Variants in RNF157 observed in about 807,000 individuals in gnomAD.
RNF157 encodes ring finger protein 157.
RNF157 carries 55 observed loss-of-function variants against 88.3 expected under a neutral mutation model. The observed-to-expected ratio is 0.62, with a 90% confidence interval of 0.50 to 0.78. The LOEUF (loss-of-function observed/expected upper bound fraction) is 0.78, where lower values mean the gene tolerates loss of function less well. RNF157 is among the 30% of genes least tolerant of loss of function. The pLI is 0.00. For missense variants in RNF157, 788 were observed against 860.8 expected, an observed-to-expected ratio of 0.92 and a Z score of 1.06; for synonymous variants, 334 against 341.2, an observed-to-expected ratio of 0.98 and a Z score of 0.23.
chr17:76,160,490 A>G lies in RNF157; in HGVS notation c.1066-917T>C, dbSNP rs562895519. Among the ~76,000 whole-genome samples, 2 of 152,264 alleles carry G rather than the reference A, an allele frequency of 1.3e-5. No homozygotes were observed. The highest frequency in any genetic ancestry group is 4.8e-5 in the African/African-American group (2 of 41,548). ...TAAAAAGAAAAGTTTTTAAAATTTG[A>G]AAGTTGGAAAATGGTATTCTCATAT... On this transcript the variant is annotated intron_variant, in intron 11 of 18. Transcript: ENST00000269391. The surrounding 1 kb of genome is among the most constrained non-coding windows in gnomAD (Gnocchi z 4.3).
At chr17:76,177,188 G>T (rs1219173432) in intron 2 of RNF157, among the ~76,000 whole-genome samples, 3 of 152,176 alleles carry the variant, frequency 2.0e-5, no homozygotes, top group East Asian at 1.9e-4. Flanking sequence ...GCTGCAAGGG[G>T]GTGCTGCAGG....
At position 76,146,492 on chromosome 17, in the gene RNF157, G is replaced by C. The variant is rs1024376510; in HGVS notation, c.1922-1139C>G. On this transcript the variant is annotated intron_variant, in intron 18 of 18. Transcript: ENST00000269391. This position sits in a 1 kb window ranked among gnomAD's most constrained non-coding sequence, Gnocchi z 4.2. Reference sequence around the variant, plus strand: ...CTAGGGCGCTCCTGCCTTGGGCCTCGGCTGCCTCCACTCTCAGGGTCCCCT... The same window carrying C: ...CTAGGGCGCTCCTGCCTTGGGCCTCCGCTGCCTCCACTCTCAGGGTCCCCT... 4.1e-6 allele frequency: 4 copies of C among 985,382 alleles called. No homozygotes were observed. Among genetic ancestry groups the C allele is most frequent in the Non-Finnish European group, 4.8e-6 (4 of 829,914 alleles). The allele number at this position is 985,382 out of a possible 1,614,324, so 61.0% of individuals were successfully genotyped here. A position where few individuals can be genotyped will look rare whatever the true frequency, so the allele number is the denominator to read the frequency against.
chr17:76,225,957 T>G (rs2070076341), intron 1 of RNF157: 2 of 1,611,712 alleles, frequency 1.2e-6, no homozygotes, highest in African/African-American at 2.7e-5. Context: ...TGCTCCATTT[T>G]TTTCAGCTTC....
chr17:76,212,552 A>AT, intron 1 of RNF157, 70 bp from the exon 2 acceptor site: 1 of 1,040,278 alleles, frequency 9.6e-7, no homozygotes, highest in Non-Finnish European at 1.5e-6. Flanking sequence ...AAAAAAAAAA[A>AT]GCTGATTTTT....
chr17:76,215,609 A>G (rs969672927), intron 1 of RNF157, among the ~76,000 whole-genome samples: 24 of 152,246 alleles, frequency 1.6e-4, no homozygotes, highest in African/African-American at 5.8e-4. Flanking sequence ...AAGACAGAGA[A>G]GAAAATTCTA....
intron 1 of RNF157, chr17:76,225,813 G>A (rs190798018): frequency 1.9e-6 from 3 of 1,590,794 alleles, no homozygotes; most frequent in Admixed American, 1.9e-5. Context: ...TTCAGGTACT[G>A]GATCTCCTTG....
chr17:76,145,458 G>C (rs929996669), intron 18 of RNF157, 105 bp from the exon 19 acceptor site: 5 of 751,520 alleles, frequency 6.7e-6, no homozygotes, highest in Non-Finnish European at 1.1e-5. Context: ...AGCAGGATGC[G>C]TGTCACCTGA....
At position 76,146,787 on chromosome 17, in the gene RNF157, G is replaced by A; in HGVS notation, c.1922-1434C>T. 1 of 985,294 alleles carries A rather than the reference G, an allele frequency of 1.0e-6. No individual in the cohort carries two copies. The highest frequency in any genetic ancestry group is 1.2e-6 in the Non-Finnish European group (1 of 829,772). 61.0% of individuals were successfully genotyped at this position (985,294 alleles called of 1,614,324 possible). On this transcript the variant is annotated intron_variant, in intron 18 of 18. Transcript: ENST00000269391. This position sits in a 1 kb window ranked among gnomAD's most constrained non-coding sequence, Gnocchi z 4.2. ...CAGTCCAGAGCCCAGCACAACACCT[G>A]ACCCATAGGAGGACCTGTTCAGCGG...
rs1260963342 is a variant in RNF157, at chr17:76,212,438, C to T, written c.133G>A (p.Asp45Asn). The change falls in exon 2 of 19, where the codon GAC becomes AAC. Residue 45 changes from aspartate (D) to asparagine (N), a missense_variant. Transcript: ENST00000269391. ...AGGTAACCTTCAGGATGAGTTGAGT[C>T]AAACTTCTCTCCTCCCATAATGAAG... Reference protein sequence around the residue: ...SHFIMGGEKFDSTHPEGYLFG... With the variant: ...SHFIMGGEKFNSTHPEGYLFG... 2 of 1,613,688 alleles carry T rather than the reference C, an allele frequency of 1.2e-6. No homozygotes were observed. Among genetic ancestry groups the T allele is most frequent in the Non-Finnish European group, 1.7e-6 (2 of 1,179,914 alleles).
At chr17:76,208,776 A>G (rs2069725193) in intron 2 of RNF157, among the ~76,000 whole-genome samples, 1 of 152,152 alleles carries the variant, frequency 6.6e-6, no homozygotes, top group Non-Finnish European at 1.5e-5. Flanking sequence ...GTTCAAGACC[A>G]ACCTGTCCAA....
intron 2 of RNF157, among the ~76,000 whole-genome samples, chr17:76,194,819 T>G (rs531564392): frequency 3.6e-4 from 54 of 151,950 alleles, no homozygotes; most frequent in African/African-American, 1.2e-3. Context: ...ATCGAGACCA[T>G]CCTGGCTAAC....
At position 76,154,274 on chromosome 17, in the gene RNF157, T is replaced by G; in HGVS notation, c.1810+9A>C. 12 of 1,597,136 alleles carry G rather than the reference T, an allele frequency of 7.5e-6. No individual in the cohort carries two copies. The highest frequency in any genetic ancestry group is 1.0e-5 in the Non-Finnish European group (12 of 1,164,486). On this transcript the variant is annotated intron_variant, in intron 17 of 18. Transcript: ENST00000269391. Reference sequence around the variant, plus strand: ...ACTAAAGGAAGTAAAGGACCAGATCTTTTACCACCTTCCTGCGTGGGTGAT... The same window carrying G: ...ACTAAAGGAAGTAAAGGACCAGATCGTTTACCACCTTCCTGCGTGGGTGAT...
chr17:76,211,149 G>C (rs139871175), intron 2 of RNF157, among the ~76,000 whole-genome samples: 73 of 152,308 alleles, frequency 4.8e-4, no homozygotes, highest in Middle Eastern at 3.4e-3. Flanking sequence ...TTGTTCCAGG[G>C]AAGAACAAAC....
In RNF157 at chr17:76,173,707, G is replaced by A. The variant is rs148810272; in HGVS notation, c.291C>T (p.Leu97=). The change falls in exon 3 of 19, where the codon CTC becomes CTT. Residue 97 remains leucine, a synonymous_variant. Coordinates refer to ENST00000269391, the MANE Select transcript of RNF157 (RefSeq NM_052916.3). The part of the protein sequence containing the change: ...LVNIRKDTLR[L]VKCAEEVKSP... ...CCCAGCCTCTGGGAACTTACTTGAC[G>A]AGCCTCAGTGTGTCCTTTCGGATAT... is the stretch of plus-strand genomic sequence containing the variant. The A allele has an allele frequency of 5.6e-6, 9 of 1,605,800 alleles. No homozygotes were observed. The African/African-American group carries it at 6.7e-5, about 12-fold the overall frequency.
intron 18 of RNF157, among the ~76,000 whole-genome samples, chr17:76,152,041 A>G (rs901351498): frequency 2.0e-5 from 3 of 152,214 alleles, no homozygotes; most frequent in Non-Finnish European, 4.4e-5. Flanking sequence ...GATGAAAACA[A>G]GACTGGGCCA....
At chr17:76,214,278 T>A (rs1453880661) in intron 1 of RNF157, among the ~76,000 whole-genome samples, 1 of 152,120 alleles carries the variant, frequency 6.6e-6, no homozygotes. Context: ...GTGGAGAGAA[T>A]CCCCACACAT....
chr17:76,194,705 A>G (rs2069443703), intron 2 of RNF157, among the ~76,000 whole-genome samples: 1 of 152,194 alleles, frequency 6.6e-6, no homozygotes. Flanking sequence ...TTAAAAAGAG[A>G]GAGAGAAAAA....
chr17:76,233,400 A>G, intron 1 of RNF157, among the ~76,000 whole-genome samples: 1 of 152,084 alleles, frequency 6.6e-6, no homozygotes, highest in Middle Eastern at 3.2e-3. Context: ...AATCCAATTT[A>G]TTATTATTTT....
In RNF157 at chr17:76,155,621, C is replaced by A; in HGVS notation, c.1639G>T (p.Glu547Ter). The change falls in exon 15 of 19, where the codon GAG becomes TAG. Residue 547 changes from glutamate to a stop codon, truncating the protein, a stop_gained. Coordinates refer to ENST00000269391, the MANE Select transcript of RNF157 (RefSeq NM_052916.3). LOFTEE classifies it high-confidence loss of function. ...TGGGGGGAAGAGAGAGCCTCTCCCT[C>A]CTCTTCAGTGCCAGGGGCGATGTAG... ...GSYIAPGTEEEGEALSSPQPA... is the reference protein window; with the variant it reads ...GSYIAPGTEE The A allele has an allele frequency of 6.2e-7, 1 of 1,613,862 alleles. No homozygotes were observed. The highest frequency in any genetic ancestry group is 8.5e-7 in the Non-Finnish European group (1 of 1,179,950).
Sources: allele counts gnomAD v4.1 joint callset (sites outside exome capture counted in the v4.1 genomes callset), GRCh38; gene constraint gnomAD v4.1.1; non-coding constraint Gnocchi (gnomAD v3.1); transcripts MANE v1.5; gene names NCBI Gene and HGNC (gene_info 2026-07-23, HGNC 2026-07-21).